C16orf89: variants seen among roughly 807,000 people sequenced by gnomAD.
C16orf89 encodes the protein chromosome 16 open reading frame 89.
A neutral mutation model predicts 41.5 loss-of-function variants in C16orf89; 57 were observed. The ratio of observed to expected loss-of-function variants is 1.38; its 90% CI spans 1.11 to 1.71. The LOEUF is 1.71. C16orf89 is among the 40% of genes most tolerant of loss of function. The pLI, the probability that C16orf89 is intolerant of heterozygous loss-of-function variation, is 0.00. For missense variants in C16orf89, 575 were observed against 445.9 expected (o/e 1.29, Z -2.61); for synonymous variants, 223 against 190.6 (o/e 1.17, Z -1.40).
At position 5,044,402 on chromosome 16, in the gene C16orf89, G is replaced by T. The variant is rs751810429; in HGVS notation, c.1032C>A (p.Pro344=). 1 of 1,612,780 alleles carries T rather than the reference G, an allele frequency of 6.2e-7. No individual in the cohort carries two copies. The highest frequency in any genetic ancestry group is 8.5e-7 in the Non-Finnish European group (1 of 1,179,644). Residue 344 remains proline, a synonymous_variant, in exon 8 of 8, where the codon CCC becomes CCA. Transcript: ENST00000472572. ...ATGGGTGTGGCTCTCTGTTTGCTGGGGGGTATTCTGCCAGGATGTATAGGA... is the reference window on the plus strand; with the variant it reads ...ATGGGTGTGGCTCTCTGTTTGCTGGTGGGTATTCTGCCAGGATGTATAGGA... ...GGFLYILAEY[P]PANREPHPST... is the part of the protein sequence containing the mutation.
chr16:5,058,428 C>T (rs1168070596), intron 4 of C16orf89, 65 bp downstream of exon 4: 27 of 1,411,382 alleles, frequency 1.9e-5, no homozygotes, highest in East Asian at 1.9e-4. Context: ...CCACCACGTC[C>T]GGCTGCCCCT....
intron 5 of C16orf89, chr16:5,055,768 G>C: frequency 6.6e-7 from 1 of 1,517,750 alleles, no homozygotes; most frequent in South Asian, 1.2e-5. Flanking sequence ...TAAAATACAG[G>C]ATGCCCAGTT....
At chr16:5,064,364 G>A (rs1956692488) in intron 1 of C16orf89, among the ~76,000 whole-genome samples, 1 of 152,188 alleles carries the variant, frequency 6.6e-6, no homozygotes, top group Non-Finnish European at 1.5e-5. Context: ...GCTAGTCAAG[G>A]ATGCTCAATG....
intron 4 of C16orf89, among the ~76,000 whole-genome samples, chr16:5,058,102 C>T (rs1180030834): frequency 6.6e-6 from 1 of 152,064 alleles, no homozygotes; most frequent in Non-Finnish European, 1.5e-5. Flanking sequence ...CAGAACTACA[C>T]TGCCATGAGC....
chr16:5,044,545 A>AT (rs1159662502), intron 7 of C16orf89, 67 bp from the exon 8 acceptor site: 1 of 1,599,478 alleles, frequency 6.3e-7, no homozygotes, highest in Non-Finnish European at 8.5e-7. Context: ...ACACAGTCTC[A>AT]TTGAAAGTGC....
At position 5,058,499 on chromosome 16, in the gene C16orf89, G is replaced by T. The variant is rs779661984; in HGVS notation, c.621C>A (p.Ala207=). ...LSHQLLFFLW[A]RMRGCTQGPL... Reference sequence around the variant, plus strand: ...GGGCTCCCTGGGCACTCACCATTCTGGCCCAGAGGAAGAAGAGCAGTTGGT... The same window carrying T: ...GGGCTCCCTGGGCACTCACCATTCTTGCCCAGAGGAAGAAGAGCAGTTGGT... The change falls in exon 4 of 8, where the codon GCC becomes GCA. Residue 207 remains alanine, a synonymous_variant. Transcript: ENST00000472572. 3.7e-6 allele frequency: 6 copies of T among 1,604,454 alleles called. No homozygotes were observed. The highest frequency in any genetic ancestry group is 1.7e-5 in the Admixed American group (1 of 59,906).
At chr16:5,061,525 A>G (rs1396676228) in intron 2 of C16orf89, among the ~76,000 whole-genome samples, 1 of 142,744 alleles carries the variant, frequency 7.0e-6, no homozygotes, top group Non-Finnish European at 1.5e-5. Context: ...AAAAAAAACA[A>G]GTGGGGAGGT....
chr16:5,059,037 C>T (rs1026394871), intron 3 of C16orf89, among the ~76,000 whole-genome samples: 8 of 151,826 alleles, frequency 5.3e-5, no homozygotes, highest in African/African-American at 1.5e-4. Flanking sequence ...GTCAGGAGTT[C>T]GAGACCAGCC....
intron 6 of C16orf89, among the ~76,000 whole-genome samples, chr16:5,048,882 A>G (rs1373014798): frequency 6.6e-6 from 1 of 152,026 alleles, no homozygotes; most frequent in African/African-American, 2.4e-5. Flanking sequence ...ATAACCTTGA[A>G]TGCAAATTGA....
At chr16:5,064,515 C>A (rs1956695777) in intron 1 of C16orf89, among the ~76,000 whole-genome samples, 1 of 152,178 alleles carries the variant, frequency 6.6e-6, no homozygotes. Flanking sequence ...ATGAGGAAAC[C>A]AAAACTCCAC....
chr16:5,044,737 G>T (rs572259627), intron 7 of C16orf89: 3 of 1,015,384 alleles, frequency 3.0e-6, no homozygotes, highest in African/African-American at 3.3e-5. Flanking sequence ...CCAGCTACTC[G>T]GGAGGATGAG....
chr16:5,050,947 A>G (rs958029312), intron 6 of C16orf89, among the ~76,000 whole-genome samples: 1 of 152,236 alleles, frequency 6.6e-6, no homozygotes, highest in African/African-American at 2.4e-5. Context: ...ATGAAAGACA[A>G]AAATCATATA....
chr16:5,050,416 T>C (rs1008200105), intron 6 of C16orf89, among the ~76,000 whole-genome samples: 1 of 151,318 alleles, frequency 6.6e-6, no homozygotes, highest in African/African-American at 2.4e-5. Flanking sequence ...GCTGGACACA[T>C]ACGACATACT....
chr16:5,045,597 G>A (rs1956281110), intron 7 of C16orf89, among the ~76,000 whole-genome samples: 1 of 152,126 alleles, frequency 6.6e-6, no homozygotes, highest in Non-Finnish European at 1.5e-5. Flanking sequence ...AACCCTGGCA[G>A]CTCATGCCTC....
At chr16:5,050,663 A>G (rs1465349487) in intron 6 of C16orf89, among the ~76,000 whole-genome samples, 2 of 152,182 alleles carry the variant, frequency 1.3e-5, no homozygotes, top group African/African-American at 2.4e-5. Flanking sequence ...CCAATACTAA[A>G]ACCAGCCAAG....
At chr16:5,060,218 G>C (rs1956587040) in intron 3 of C16orf89, 68 bp downstream of exon 3, 1 of 1,498,416 alleles carries the variant, frequency 6.7e-7, no homozygotes, top group Non-Finnish European at 9.0e-7. Context: ...AGAAGGAGGA[G>C]CGGGACAGGA....
At chr16:5,061,287 C>T (rs557793889) in intron 2 of C16orf89, among the ~76,000 whole-genome samples, 18 of 131,318 alleles carry the variant, frequency 1.4e-4, no homozygotes, top group Non-Finnish European at 2.3e-4. Flanking sequence ...AAAAAAAAGC[C>T]GGGCGTGGTG....
At chr16:5,058,897 G>C (rs1431861328) in intron 3 of C16orf89, among the ~76,000 whole-genome samples, 1 of 152,072 alleles carries the variant, frequency 6.6e-6, no homozygotes, top group Non-Finnish European at 1.5e-5. Flanking sequence ...GCCCCGAACA[G>C]TGGGTACTTG....
chr16:5,050,336 C>A (rs1304125057), intron 6 of C16orf89, among the ~76,000 whole-genome samples: 2 of 151,802 alleles, frequency 1.3e-5, no homozygotes, highest in Non-Finnish European at 2.9e-5. Flanking sequence ...CCACTGCACT[C>A]CAGCTTGGGT....
Sources: allele counts gnomAD v4.1 joint callset (sites outside exome capture counted in the v4.1 genomes callset), GRCh38; gene constraint gnomAD v4.1.1; transcripts MANE v1.5; gene names NCBI Gene and HGNC (gene_info 2026-07-23, HGNC 2026-07-21).